EP400: variants seen among roughly 807,000 people sequenced by gnomAD.
EP400 encodes E1A binding protein p400.
Under a neutral mutation model 354.1 loss-of-function variants are expected in EP400, and 105 were observed. The observed-to-expected ratio is 0.30, with a 90% CI of 0.25 to 0.35. The LOEUF (loss-of-function observed/expected upper bound fraction) is 0.35, where lower values mean the gene tolerates loss of function less well. Among genes scored for constraint, EP400 ranks in the 10% least tolerant of loss-of-function variants. The pLI, the probability that EP400 is intolerant of heterozygous loss-of-function variation, is 1.00. For synonymous variants in EP400, 1,646 were observed against 1,716.9 expected (o/e 0.96, Z 1.02); for missense variants, 3,280 against 4,121.0 (o/e 0.80, Z 5.59).
Position 132,027,547 on chromosome 12 carries a change from T to C in EP400, c.5109+16T>C. 1 of 1,600,106 alleles carries C rather than the reference T, an allele frequency of 6.2e-7. No individual in the cohort carries two copies. Among genetic ancestry groups the C allele is most frequent in the South Asian group, 1.1e-5 (1 of 89,488 alleles). ...GCCGACCCAGGTAAGCACCTGAGCT[T>C]GAGACCCCGGTGCACGTGGACAGGT... On this transcript the variant is annotated intron_variant, in intron 26 of 52. Coordinates refer to ENST00000389561, the MANE Select transcript of EP400 (RefSeq NM_015409.5). This position sits in a 1 kb window ranked among gnomAD's most constrained non-coding sequence, Gnocchi z 4.9.
intron 30 of EP400, among the ~76,000 whole-genome samples, chr12:132,037,399 G>A (rs543090800): frequency 3.9e-4 from 59 of 152,334 alleles, no homozygotes; most frequent in African/African-American, 1.3e-3. Context: ...GACATTTCCA[G>A]GTTGAGACTG....
chr12:131,995,445 C>T (rs1893174889), intron 12 of EP400, among the ~76,000 whole-genome samples: 1 of 150,516 alleles, frequency 6.6e-6, no homozygotes, highest in African/African-American at 2.5e-5. Context: ...CACAGCTTGA[C>T]TGAATGTACC....
intron 2 of EP400, among the ~76,000 whole-genome samples, chr12:131,978,623 A>C (rs1892563542): frequency 6.6e-6 from 1 of 152,062 alleles, no homozygotes; most frequent in African/African-American, 2.4e-5. Flanking sequence ...CTTGGGCTCA[A>C]GACTCCTGAG....
chr12:131,983,880 T>C (rs1892764733), intron 5 of EP400, among the ~76,000 whole-genome samples: 1 of 151,988 alleles, frequency 6.6e-6, no homozygotes, highest in South Asian at 2.1e-4. Context: ...GATTTCGCCA[T>C]GCTGCCCAAG....
In EP400 at chr12:132,038,310, G is replaced by A. The variant is rs567837402; in HGVS notation, c.6207+214G>A. Reference sequence around the variant, plus strand: ...TGAGGGGAATGGTGGCGAAGGTCGCGGACCACAGGCCTGTCACCGAAGCAG... The same window carrying A: ...TGAGGGGAATGGTGGCGAAGGTCGCAGACCACAGGCCTGTCACCGAAGCAG... On this transcript the variant is annotated intron_variant, in intron 32 of 52. Transcript: ENST00000389561. This position sits in a 1 kb window ranked among gnomAD's most constrained non-coding sequence, Gnocchi z 4.2. Among the ~76,000 whole-genome samples the A allele has an allele frequency of 1.1e-4, 17 of 152,298 alleles. No homozygotes were observed. The South Asian group carries it at 2.9e-3, about 26-fold the overall frequency.
rs1895728941 is a variant in EP400, at chr12:132,062,492, A to G, written c.8125A>G (p.Thr2709Ala). The G allele has an allele frequency of 1.2e-6, 2 of 1,613,058 alleles. No individual in the cohort carries two copies. Among genetic ancestry groups the G allele is most frequent in the Non-Finnish European group, 1.7e-6 (2 of 1,179,966 alleles). ...QATGVQLPGK[T>A]ITPAHFQLLR... ...CACAGGAGTTCAGCTCCCTGGAAAAACCATCACACCTGCACATTTCCAGCT... is the reference window on the plus strand; with the variant it reads ...CACAGGAGTTCAGCTCCCTGGAAAAGCCATCACACCTGCACATTTCCAGCT... The change falls in exon 47 of 53, where the codon ACC becomes GCC. Residue 2709 changes from threonine (T) to alanine (A), a missense_variant. By Grantham distance (58) the Thr-to-Ala change is moderately conservative. Coordinates refer to ENST00000389561, the MANE Select transcript of EP400 (RefSeq NM_015409.5).
In EP400 at chr12:132,027,419, T is replaced by A; in HGVS notation, c.5015-18T>A. The A allele has an allele frequency of 6.2e-7, 1 of 1,613,824 alleles. No individual in the cohort carries two copies. The highest frequency in any genetic ancestry group is 8.5e-7 in the Non-Finnish European group (1 of 1,179,880). On this transcript the variant is annotated intron_variant, in intron 25 of 52. Coordinates refer to ENST00000389561, the MANE Select transcript of EP400 (RefSeq NM_015409.5). This position sits in a 1 kb window ranked among gnomAD's most constrained non-coding sequence, Gnocchi z 4.9. ...GAACTTGGCGTTCCTTTTCACCTCT[T>A]CCTTTATGCATTTGTAGTTGGCGTT... is the stretch of plus-strand genomic sequence containing the variant.
At chr12:132,061,846 G>A (rs1160079780) in intron 45 of EP400, among the ~76,000 whole-genome samples, 7 of 152,244 alleles carry the variant, frequency 4.6e-5, no homozygotes, top group Admixed American at 2.0e-4. Context: ...GGGACAGGAC[G>A]GCCTTTCCAG....
chr12:132,031,098 A>G, intron 29 of EP400: 1 of 420,260 alleles, frequency 2.4e-6, no homozygotes, highest in Non-Finnish European at 4.7e-6. Context: ...GAAGGAAGAG[A>G]GTTGGTCAGT....
chr12:132,055,026 C>A lies in EP400; in HGVS notation c.7774+7C>A. The stretch of plus-strand genomic sequence containing the variant: ...GGGACGAGCATGCCCACTGGTAAGA[C>A]AAATACAGAGATGCTGAAATGTGGA... On this transcript the variant is annotated splice_region_variant and intron_variant, in intron 44 of 52. Coordinates refer to ENST00000389561, the MANE Select transcript of EP400 (RefSeq NM_015409.5). The A allele has an allele frequency of 6.2e-7, 1 of 1,613,830 alleles. No homozygotes were observed. The highest frequency in any genetic ancestry group is 8.5e-7 in the Non-Finnish European group (1 of 1,179,932).
intron 2 of EP400, among the ~76,000 whole-genome samples, chr12:131,965,323 T>G (rs942048609): frequency 2.6e-5 from 4 of 152,224 alleles, no homozygotes; most frequent in Non-Finnish European, 5.9e-5. Context: ...CTGAATCTCC[T>G]TAAACTTTTA....
At position 131,956,311 on chromosome 12, in the gene EP400, C is replaced by A. The variant is rs952012690; in HGVS notation, c.-35-4274C>A. On this transcript the variant is annotated intron_variant, in intron 1 of 52. Coordinates refer to ENST00000389561, the MANE Select transcript of EP400 (RefSeq NM_015409.5). ...GAAGGTCAGTTTTAATATTCTGATACGTTTCAGTGGGTCCTTTTCTGTATG... is the reference window on the plus strand; with the variant it reads ...GAAGGTCAGTTTTAATATTCTGATAAGTTTCAGTGGGTCCTTTTCTGTATG... Among the ~76,000 whole-genome samples, 7 of 152,236 alleles carry A rather than the reference C, an allele frequency of 4.6e-5. No individual in the cohort carries two copies. The East Asian group carries it at 9.6e-4, about 21-fold the overall frequency.
At chr12:132,008,667 G>A (rs1032848472) in intron 15 of EP400, among the ~76,000 whole-genome samples, 5 of 150,952 alleles carry the variant, frequency 3.3e-5, no homozygotes, top group African/African-American at 4.9e-5. Context: ...TGCACGTTCC[G>A]TCTCCTGGGC....
chr12:132,053,017 T>C (rs1047978842), intron 41 of EP400, 129 bp from the exon 42 acceptor site: 1 of 945,328 alleles, frequency 1.1e-6, no homozygotes, highest in African/African-American at 1.6e-5. Context: ...TTGGGCACCT[T>C]GCTTTACGCC....
At chr12:131,966,718 A>G (rs1892103803) in intron 2 of EP400, among the ~76,000 whole-genome samples, 2 of 151,562 alleles carry the variant, frequency 1.3e-5, no homozygotes, top group Non-Finnish European at 2.9e-5. Context: ...AGCCTGGCCA[A>G]CATGGTGAAA....
intron 6 of EP400, 88 bp downstream of exon 6, chr12:131,986,895 C>T (rs2136498583): frequency 3.5e-6 from 5 of 1,435,544 alleles, no homozygotes; most frequent in South Asian, 2.7e-5. Flanking sequence ...GGCGTAAAAC[C>T]GAATGCCTGG....
At chr12:132,028,546 C>G (rs962903893) in intron 27 of EP400, among the ~76,000 whole-genome samples, 38 of 152,206 alleles carry the variant, frequency 2.5e-4, no homozygotes, top group Non-Finnish European at 5.6e-4. Flanking sequence ...TGAGCTCACA[C>G]TGTGCTTGGG....
intron 48 of EP400, chr12:132,066,006 G>A (rs1178035922): frequency 2.6e-5 from 4 of 152,222 alleles, no homozygotes; most frequent in Non-Finnish European, 5.9e-5. Flanking sequence ...TTTGCTTCAT[G>A]AGTGTTAGAG....
rs369414033 is a variant in EP400, at chr12:132,044,318, G to A, written c.6585+7G>A. On this transcript the variant is annotated splice_region_variant and intron_variant, in intron 35 of 52. Coordinates refer to ENST00000389561, the MANE Select transcript of EP400 (RefSeq NM_015409.5). ...AGAGGATGCCTACAGCATGGTACCC[G>A]GCCCGGGGCCCTCCTGCCCTCTTGC... 7 of 1,609,856 alleles carry A rather than the reference G, an allele frequency of 4.3e-6. No individual in the cohort carries two copies. Among genetic ancestry groups the A allele is most frequent in the African/African-American group, 1.3e-5 (1 of 74,980 alleles).
Sources: allele counts gnomAD v4.1 joint callset (sites outside exome capture counted in the v4.1 genomes callset), GRCh38; gene constraint gnomAD v4.1.1; non-coding constraint Gnocchi (gnomAD v3.1); transcripts MANE v1.5; gene names NCBI Gene and HGNC (gene_info 2026-07-23, HGNC 2026-07-21).